Variants in VCAN observed in about 807,000 individuals in gnomAD.
VCAN encodes the protein versican core protein.
Under a neutral mutation model 245.5 loss-of-function variants are expected in VCAN, and 44 were observed. The observed-to-expected ratio is 0.18, with a 90% CI of 0.14 to 0.23. The LOEUF (loss-of-function observed/expected upper bound fraction) is 0.23, where lower values mean the gene tolerates loss of function less well. VCAN is among the 10% of genes least tolerant of loss of function. The pLI is 1.00. For missense variants in VCAN, 3,793 were observed against 4,057.9 expected (o/e 0.93, Z 1.77); for synonymous variants, 1,413 against 1,437.0 (o/e 0.98, Z 0.38).
At chr5:83,494,999 G>A (rs913252703) in intron 5 of VCAN, among the ~76,000 whole-genome samples, 1 of 152,144 alleles carries the variant, frequency 6.6e-6, no homozygotes, top group Admixed American at 6.5e-5. Flanking sequence ...ATAAATATAA[G>A]TAAAATAAAG....
chr5:83,485,927 C>G (rs925227284), intron 2 of VCAN, among the ~76,000 whole-genome samples: 1 of 152,096 alleles, frequency 6.6e-6, no homozygotes, highest in Non-Finnish European at 1.5e-5. Context: ...CAGTGAGACC[C>G]TATCTCTACA....
In VCAN at chr5:83,572,424, G is replaced by T; in HGVS notation, c.9744G>T (p.Glu3248Asp). The T allele has an allele frequency of 6.2e-7, 1 of 1,613,878 alleles. No individual in the cohort carries two copies. Among genetic ancestry groups the T allele is most frequent in the Non-Finnish European group, 8.5e-7 (1 of 1,179,864 alleles). ...RWTDGSTLQY[E>D]NWRPNQPDSF... Reference sequence around the variant, plus strand: ...TCCCTCCATTTTTACAGCAATACGAGAATTGGAGACCCAACCAGCCAGACA... The same window carrying T: ...TCCCTCCATTTTTACAGCAATACGATAATTGGAGACCCAACCAGCCAGACA... Residue 3248 changes from glutamate (E) to aspartate (D), a missense_variant, in exon 13 of 15, where the codon GAG becomes GAT. This residue lies in a region of VCAN where 205 missense variants were observed against 321.1 expected (regional missense o/e 0.64). Transcript: ENST00000265077.
At position 83,541,481 on chromosome 5, in the gene VCAN, A is replaced by G. The variant is rs764885665; in HGVS notation, c.8478A>G (p.Ser2826=). The G allele has an allele frequency of 5.6e-6, 9 of 1,613,958 alleles. No homozygotes were observed. The East Asian group carries it at 2.0e-4, about 36-fold the overall frequency. ...CGAAGTTGTCTTCTCAGACACCATC[A>G]TCTCCCCTCACTATCTACTCAGGCA... ...TFAKLSSQTP[S]SPLTIYSGSE... Residue 2826 remains serine, a synonymous_variant, in exon 8 of 15, where the codon TCA becomes TCG. Coordinates refer to ENST00000265077, the MANE Select transcript of VCAN (RefSeq NM_004385.5).
chr5:83,576,337 T>G (rs1748476060), intron 13 of VCAN, among the ~76,000 whole-genome samples: 1 of 152,186 alleles, frequency 6.6e-6, no homozygotes. Flanking sequence ...ATTCTGTGCT[T>G]TGCTCTTTTT....
At chr5:83,473,567 G>A (rs1270426791) in intron 1 of VCAN, among the ~76,000 whole-genome samples, 1 of 151,856 alleles carries the variant, frequency 6.6e-6, no homozygotes, top group Non-Finnish European at 1.5e-5. Context: ...CAAATGAATG[G>A]CTAGTGTGAA....
chr5:83,489,950 T>G (rs1270591888), intron 2 of VCAN, 148 bp from the exon 3 acceptor site: 2 of 762,640 alleles, frequency 2.6e-6, no homozygotes, highest in Non-Finnish European at 4.2e-6. Context: ...AATTGTATGC[T>G]ATTCTCTTTA....
At chr5:83,496,219 A>C (rs1745155579) in intron 5 of VCAN, among the ~76,000 whole-genome samples, 1 of 152,200 alleles carries the variant, frequency 6.6e-6, no homozygotes, top group African/African-American at 2.4e-5. Flanking sequence ...AGCTCTGAGG[A>C]TGTATGCATA....
At chr5:83,573,075 T>G (rs1176620564) in intron 13 of VCAN, among the ~76,000 whole-genome samples, 3 of 151,726 alleles carry the variant, frequency 2.0e-5, no homozygotes, top group Non-Finnish European at 4.4e-5. Context: ...AATTTTTGTA[T>G]TTTTAGTAGA....
Position 83,538,824 on chromosome 5 carries a change from T to C in VCAN, c.5821T>C (p.Tyr1941His). The C allele has an allele frequency of 6.2e-7, 1 of 1,613,960 alleles. No homozygotes were observed. The highest frequency in any genetic ancestry group is 2.2e-5 in the East Asian group (1 of 44,878). Reference protein sequence around the residue: ...EEDFSGDFREYSTVSHPIAKE... With the variant: ...EEDFSGDFREHSTVSHPIAKE... Reference sequence around the variant, plus strand: ...AGATTTCAGTGGTGACTTTAGAGAATACTCAACAGTGTCTCATCCCATAGC... The same window carrying C: ...AGATTTCAGTGGTGACTTTAGAGAACACTCAACAGTGTCTCATCCCATAGC... The change falls in exon 8 of 15, where the codon TAC becomes CAC. Residue 1941 changes from tyrosine to histidine, a missense_variant. This residue lies in a region of VCAN where 3,182 missense variants were observed against 3,250.3 expected (regional missense o/e 0.98). Coordinates refer to ENST00000265077, the MANE Select transcript of VCAN (RefSeq NM_004385.5).
intron 13 of VCAN, 48 bp downstream of exon 13, chr5:83,572,608 A>T (rs910479773): frequency 1.7e-5 from 28 of 1,609,678 alleles, no homozygotes; most frequent in Non-Finnish European, 2.4e-5. Flanking sequence ...CATTTCAATT[A>T]TAAAGATAAT....
At chr5:83,545,358 G>C (rs904138998) in intron 8 of VCAN, among the ~76,000 whole-genome samples, 179 bp from the exon 9 acceptor site, 3 of 152,150 alleles carry the variant, frequency 2.0e-5, no homozygotes, top group African/African-American at 7.2e-5. Flanking sequence ...GTAACAATTA[G>C]TTATAATGCC....
intron 12 of VCAN, among the ~76,000 whole-genome samples, chr5:83,556,107 C>T (rs1184404962): frequency 2.6e-5 from 4 of 152,202 alleles, no homozygotes; most frequent in African/African-American, 9.6e-5. Context: ...ATCATGGACA[C>T]ACTACTCACT....
At chr5:83,477,161 A>C (rs959862988) in intron 1 of VCAN, among the ~76,000 whole-genome samples, 1 of 152,198 alleles carries the variant, frequency 6.6e-6, no homozygotes, top group African/African-American at 2.4e-5. Context: ...AAAGATCAAA[A>C]GAGTAAGTAC....
At chr5:83,480,459 T>C (rs1050048308) in intron 1 of VCAN, among the ~76,000 whole-genome samples, 28 of 152,204 alleles carry the variant, frequency 1.8e-4, no homozygotes, top group Admixed American at 1.3e-3. Flanking sequence ...TCATGGTAAA[T>C]CTTCAAGTGG....
intron 2 of VCAN, among the ~76,000 whole-genome samples, chr5:83,488,700 A>G (rs1744867237): frequency 6.6e-6 from 1 of 152,206 alleles, no homozygotes; most frequent in South Asian, 2.1e-4. Context: ...ATTTAATTTC[A>G]TTAAGTGCCT....
rs767516872 is a variant in VCAN at position 83,580,429 on chromosome 5, C to T, written c.10186C>T (p.Arg3396Cys). The stretch of plus-strand genomic sequence containing the variant: ...GAGCCGGAGGTGGCAGGAGTCGAGG[C>T]GCTGATCCCTAAAATGGCGAACATG... The part of the protein sequence containing the change: ...RWSRRWQESR[R>C] Residue 3396 changes from arginine (R) to cysteine (C), a missense_variant, in exon 15 of 15, where the codon CGC becomes TGC. Physicochemically the swap from Arg to Cys is radical, Grantham distance 180 (BLOSUM62 -3). Transcript: ENST00000265077. 7.4e-6 allele frequency: 12 copies of T among 1,613,626 alleles called. No individual in the cohort carries two copies. The highest frequency in any genetic ancestry group is 7.6e-6 in the Non-Finnish European group (9 of 1,179,882).
Position 83,580,568 on chromosome 5 carries a change from C to T in VCAN, c.*134C>T, listed in dbSNP as rs567967286. 189 of 1,344,028 alleles carry T rather than the reference C, an allele frequency of 1.4e-4. No homozygotes were observed. The highest frequency in any genetic ancestry group is 1.7e-4 in the Non-Finnish European group (165 of 962,644). The allele number at this position is 1,344,028 out of a possible 1,614,324, so 83.3% of individuals were successfully genotyped here. On this transcript the variant is annotated 3_prime_UTR_variant, in exon 15 of 15. Transcript: ENST00000265077. ...CCACCGTTCAGTCATTTTGGGTTGC[C>T]GTGCTCCCAAAACATTTTAAATGAA... is the stretch of plus-strand genomic sequence containing the variant.
At chr5:83,497,663 A>G (rs1425479350) in intron 5 of VCAN, among the ~76,000 whole-genome samples, 1 of 152,096 alleles carries the variant, frequency 6.6e-6, no homozygotes, top group Non-Finnish European at 1.5e-5. Flanking sequence ...GATCCACAAA[A>G]TAATCCTTAT....
chr5:83,540,069 G>C lies in VCAN; in HGVS notation c.7066G>C (p.Gly2356Arg), dbSNP rs912315657. 1 of 1,613,842 alleles carries C rather than the reference G, an allele frequency of 6.2e-7. No homozygotes were observed. The highest frequency in any genetic ancestry group is 1.3e-5 in the African/African-American group (1 of 74,874). Residue 2356 changes from glycine to arginine, a missense_variant, in exon 8 of 15, where the codon GGA becomes CGA. Gly to Arg is a moderately radical substitution (Grantham distance 125). Around this residue, in one of 5 missense-constraint regions of VCAN, gnomAD observed 3,182 missense variants for 3,250.3 expected, o/e 0.98. Transcript: ENST00000265077. ...VAPLPFSTDI[G>R]HPQNQTVRWA... ...ACCTCTCCCTTTCTCCACGGACATC[G>C]GACATCCTCAAAATCAGACTGTCAG...
Sources: gnomAD v4.1 joint callset for allele counts (sites outside exome capture counted in the v4.1 genomes callset) on GRCh38, gnomAD v4.1.1 for gene constraint, gnomAD v4.1.1 regional missense constraint, MANE v1.5 for transcripts, NCBI Gene and HGNC (gene_info 2026-07-23, HGNC 2026-07-21) for gene names.